The following LGI1 variants were observed in gnomAD, a reference collection of about 807,000 sequenced individuals.
The protein encoded by LGI1 is leucine-rich glioma-inactivated protein 1.
LGI1 carries 11 observed loss-of-function variants against 57.7 expected under a neutral mutation model. The observed-to-expected ratio is 0.19, with a 90% CI of 0.12 to 0.32. LGI1 has a LOEUF of 0.32. Ranked by LOEUF, LGI1 falls within the 10% of genes least tolerant of loss-of-function variation. The pLI, the probability that LGI1 is intolerant of heterozygous loss-of-function variation, is 1.00. For missense variants in LGI1, 422 were observed against 661.9 expected (o/e 0.64, Z 3.98); for synonymous variants, 222 against 241.9 (o/e 0.92, Z 0.76).
intron 4 of LGI1, 43 bp from the exon 5 acceptor site, chr10:93,790,056 T>C (rs778358284): frequency 6.5e-7 from 1 of 1,546,420 alleles, no homozygotes; most frequent in East Asian, 2.3e-5. Flanking sequence ...CTTTGTTTAA[T>C]TTATCACTAC....
At position 93,787,632 on chromosome 10, in the gene LGI1, G is replaced by A. The variant is rs150458208; in HGVS notation, c.432-2467G>A. 6.6e-5 allele frequency among the ~76,000 whole-genome samples: 10 copies of A among 152,256 alleles called. No individual in the cohort carries two copies. In the East Asian group the frequency reaches 1.9e-3, roughly 29 times the overall value. ...TCATTATTTAAAAGAATCCCACAGG[G>A]TACAGTGGCTCACACCTGTAATCCC... is the stretch of plus-strand genomic sequence containing the variant. On this transcript the variant is annotated intron_variant, in intron 4 of 7. Transcript: ENST00000371418.
Position 93,777,579 on chromosome 10 carries a change from A to G in LGI1, c.393A>G (p.Ser131=), listed in dbSNP as rs199548601. Residue 131 remains serine, a synonymous_variant, in exon 4 of 8, where the codon TCA becomes TCG. Transcript: ENST00000371418. ...AAAACAACAACATCAAGTCAATTTC[A>G]AGACATACTTTCCGGGGACTAAAGT... ...FIENNNIKSI[S]RHTFRGLKSL... 4.3e-6 allele frequency: 7 copies of G among 1,613,734 alleles called. No individual in the cohort carries two copies. Among genetic ancestry groups the G allele is most frequent in the Non-Finnish European group, 5.9e-6 (7 of 1,179,654 alleles).
chr10:93,787,546 T>C (rs187125606), intron 4 of LGI1, among the ~76,000 whole-genome samples: 49 of 152,308 alleles, frequency 3.2e-4, no homozygotes, highest in African/African-American at 1.2e-3. Flanking sequence ...AGCTTGCACG[T>C]GGATCATGTG....
chr10:93,763,010 C>G (rs1450534874), intron 2 of LGI1: 2 of 152,276 alleles, frequency 1.3e-5, no homozygotes, highest in African/African-American at 4.8e-5. Flanking sequence ...CTGCCTCCTC[C>G]TCTTCACCAC....
intron 2 of LGI1, chr10:93,768,595 T>C (rs964749395): frequency 3.3e-5 from 5 of 151,706 alleles, no homozygotes; most frequent in African/African-American, 1.2e-4. Context: ...AAAGGAAGAG[T>C]TTCCACTGCT....
intron 4 of LGI1, among the ~76,000 whole-genome samples, chr10:93,780,719 T>C (rs1299037828): frequency 6.6e-6 from 1 of 152,182 alleles, no homozygotes. Flanking sequence ...AGACGTCCAG[T>C]GCTACGTCCA....
intron 4 of LGI1, chr10:93,788,711 A>G (rs2059910267): frequency 6.6e-6 from 1 of 152,246 alleles, no homozygotes; most frequent in Admixed American, 6.5e-5. Flanking sequence ...AGTAATTTCT[A>G]AAACCTAGAA....
chr10:93,790,908 T>C (rs1415521063), intron 5 of LGI1: 1 of 152,242 alleles, frequency 6.6e-6, no homozygotes, highest in Non-Finnish European at 1.5e-5. Flanking sequence ...TTAAATGTCA[T>C]AAGGTGGAAG....
At chr10:93,771,563 A>T (rs572495938) in intron 2 of LGI1, 4 of 152,328 alleles carry the variant, frequency 2.6e-5, no homozygotes, top group Non-Finnish European at 5.9e-5. Context: ...ATACTTAACG[A>T]GTGCATTGCA....
chr10:93,778,345 TCACACACACACACACACA>T (rs60017902), intron 4 of LGI1, among the ~76,000 whole-genome samples: 5 of 148,752 alleles, frequency 3.4e-5, no homozygotes, highest in Admixed American at 6.7e-5. Flanking sequence ...ACAAACACAT[TCACACACACACACACACA>T]CACACACACA....
rs957932668 is a variant in LGI1 at position 93,792,625 on chromosome 10, T to C, written c.504-118T>C. 10 of 1,021,750 alleles carry C rather than the reference T, an allele frequency of 9.8e-6. No individual in the cohort carries two copies. The Admixed American group carries it at 1.4e-4, about 14-fold the overall frequency. The allele number at this position is 1,021,750 out of a possible 1,614,324, so 63.3% of individuals were successfully genotyped here. ...GGTCAGTCAGGTTCCAGGCAGGTTA[T>C]AGGGCAGGATGCAACGCCGGGTAAG... is the stretch of plus-strand genomic sequence containing the variant. On this transcript the variant is annotated intron_variant, in intron 5 of 7. Coordinates refer to ENST00000371418, the MANE Select transcript of LGI1 (RefSeq NM_005097.4).
chr10:93,759,658 A>G (rs1052798536), intron 2 of LGI1, among the ~76,000 whole-genome samples: 1 of 152,312 alleles, frequency 6.6e-6, no homozygotes, highest in Middle Eastern at 3.4e-3. Flanking sequence ...AGCTGGACGG[A>G]TATGGGCAGA....
chr10:93,773,393 A>G (rs1356876469), intron 2 of LGI1, among the ~76,000 whole-genome samples: 1 of 152,140 alleles, frequency 6.6e-6, no homozygotes, highest in Non-Finnish European at 1.5e-5. Context: ...TGCGACCTCA[A>G]GGAAAGTGTT....
chr10:93,789,765 G>A (rs994547888), intron 4 of LGI1: 14 of 242,038 alleles, frequency 5.8e-5, no homozygotes, highest in African/African-American at 2.5e-4. Flanking sequence ...TCCCAGCTAC[G>A]GCAGGCTAAG....
rs2133975621 is a variant in LGI1 at position 93,758,342 on chromosome 10, T to A, written c.198T>A (p.Pro66=). 1.2e-6 allele frequency: 2 copies of A among 1,614,102 alleles called. No homozygotes were observed. The highest frequency in any genetic ancestry group is 1.7e-6 in the Non-Finnish European group (2 of 1,179,972). ...ENARSIPRTV[P]PDVISLSFVR... is the part of the protein sequence containing the mutation. ...CCAGATCCATTCCACGCACCGTTCC[T>A]CCTGATGTTATCTCATTGTAAGGCC... The change falls in exon 1 of 8, where the codon CCT becomes CCA. Residue 66 remains proline (P), a synonymous_variant. Transcript: ENST00000371418. The surrounding 1 kb of genome is among the most constrained non-coding windows in gnomAD (Gnocchi z 4.7).
At chr10:93,760,995 C>CTG (rs1368847164) in intron 2 of LGI1, among the ~76,000 whole-genome samples, 3 of 152,218 alleles carry the variant, frequency 2.0e-5, no homozygotes, top group Admixed American at 6.5e-5. Flanking sequence ...CTCCAGGACC[C>CTG]TGTGCCTGAA....
intron 4 of LGI1, among the ~76,000 whole-genome samples, chr10:93,780,957 C>T (rs1013492915): frequency 2.6e-5 from 4 of 152,192 alleles, no homozygotes; most frequent in East Asian, 1.9e-4. Flanking sequence ...CCCTTACCTG[C>T]GCCTTTATAT....
chr10:93,768,355 T>G (rs2059700649), intron 2 of LGI1: 1 of 152,230 alleles, frequency 6.6e-6, no homozygotes, highest in Non-Finnish European at 1.5e-5. Context: ...CTTACAAGCT[T>G]CAAATCACTT....
intron 2 of LGI1, chr10:93,767,057 G>C (rs892581815): frequency 1.3e-5 from 2 of 152,136 alleles, no homozygotes; most frequent in African/African-American, 4.8e-5. Flanking sequence ...CTCTCAAAGG[G>C]TCAACCTTTG....
Sources: allele counts gnomAD v4.1 joint callset (sites outside exome capture counted in the v4.1 genomes callset), GRCh38; gene constraint gnomAD v4.1.1; non-coding constraint Gnocchi (gnomAD v3.1); transcripts MANE v1.5; gene names NCBI Gene and HGNC (gene_info 2026-07-23, HGNC 2026-07-21).